The following RASSF9 variants were observed in gnomAD, a reference collection of about 807,000 sequenced individuals.
The protein encoded by RASSF9 is ras association domain-containing protein 9.
In RASSF9, 18 loss-of-function variants were observed where a neutral mutation model predicts 21.4. That is an observed-to-expected ratio of 0.84 (90% CI 0.58 to 1.25). The LOEUF (loss-of-function observed/expected upper bound fraction) is 1.25, where lower values mean the gene tolerates loss of function less well. RASSF9 is among the 50% of genes most tolerant of loss of function. The probability of loss-of-function intolerance (pLI) is 0.00; values close to 1 mark genes in which losing one functional copy is unlikely to be tolerated. For synonymous variants in RASSF9, 183 were observed against 179.1 expected (o/e 1.02, Z -0.18); for missense variants, 480 against 503.2 (o/e 0.95, Z 0.44).
intron 1 of RASSF9, among the ~76,000 whole-genome samples, chr12:85,810,130 G>A (rs1278707907): frequency 2.0e-5 from 3 of 151,832 alleles, no homozygotes; most frequent in Non-Finnish European, 4.4e-5. Flanking sequence ...ACTATTATAT[G>A]CTTCACCAAG....
At chr12:85,813,355 A>T (rs1163318672) in intron 1 of RASSF9, among the ~76,000 whole-genome samples, 1 of 151,966 alleles carries the variant, frequency 6.6e-6, no homozygotes, top group Non-Finnish European at 1.5e-5. Flanking sequence ...AATTAAAATG[A>T]GTTGGCTTGT....
chr12:85,819,909 G>C (rs1880169586), intron 1 of RASSF9, among the ~76,000 whole-genome samples: 1 of 152,124 alleles, frequency 6.6e-6, no homozygotes, highest in Non-Finnish European at 1.5e-5. Flanking sequence ...GCTAGTTTTG[G>C]AAATGGAAAA....
chr12:85,824,256 AT>A (rs1359212545), intron 1 of RASSF9, among the ~76,000 whole-genome samples: 2 of 152,210 alleles, frequency 1.3e-5, no homozygotes, highest in African/African-American at 4.8e-5. Flanking sequence ...ATTATAGTGA[AT>A]GCAAAAATAG....
chr12:85,816,159 T>C (rs987278496), intron 1 of RASSF9, among the ~76,000 whole-genome samples: 3 of 151,666 alleles, frequency 2.0e-5, no homozygotes, highest in African/African-American at 7.3e-5. Flanking sequence ...TTTCAGAGGG[T>C]AGAGAGTGGG....
chr12:85,805,159 G>A lies in RASSF9; in HGVS notation c.851C>T (p.Ser284Phe), dbSNP rs1419607001. The A allele has an allele frequency of 3.7e-6, 6 of 1,613,808 alleles. No individual in the cohort carries two copies. The highest frequency in any genetic ancestry group is 5.1e-6 in the Non-Finnish European group (6 of 1,179,870). Residue 284 changes from serine (S) to phenylalanine (F), a missense_variant, in exon 2 of 2, where the codon TCT becomes TTT. Ser to Phe is a radical substitution (Grantham distance 155, BLOSUM62 -2). Transcript: ENST00000361228. ...TTTTACCTCTTTTTCTATTTCAGCA[G>A]AGAGCTTATCAATGAGTATTCGGTA... is the stretch of plus-strand genomic sequence containing the variant. The part of the protein sequence containing the change: ...KYYRILIDKL[S>F]AEIEKEVKSV...
At chr12:85,815,719 G>A (rs1027456825) in intron 1 of RASSF9, among the ~76,000 whole-genome samples, 1 of 151,432 alleles carries the variant, frequency 6.6e-6, no homozygotes. Context: ...TTCATATGAC[G>A]CATTGGTCGC....
At chr12:85,809,557 AGTAGTCCCTATTTCCT>A (rs1879905739) in intron 1 of RASSF9, among the ~76,000 whole-genome samples, 1 of 152,106 alleles carries the variant, frequency 6.6e-6, no homozygotes, top group East Asian at 1.9e-4. Context: ...GTCTCCTCAG[AGTAGTCCCTATTTCCT>A]GTAGCAGACA....
chr12:85,828,427 A>G (rs750509894), intron 1 of RASSF9, among the ~76,000 whole-genome samples: 1 of 152,156 alleles, frequency 6.6e-6, no homozygotes, highest in Non-Finnish European at 1.5e-5. Context: ...TGATGTGATT[A>G]TTATGCATTG....
At chr12:85,808,330 T>C (rs536211977) in intron 1 of RASSF9, among the ~76,000 whole-genome samples, 1 of 152,232 alleles carries the variant, frequency 6.6e-6, no homozygotes, top group Admixed American at 6.5e-5. Flanking sequence ...AGTAAAATGT[T>C]ATAGTTTATT....
At chr12:85,832,463 C>T (rs1029908983) in intron 1 of RASSF9, among the ~76,000 whole-genome samples, 3 of 151,802 alleles carry the variant, frequency 2.0e-5, no homozygotes, top group Non-Finnish European at 3.0e-5. Context: ...TATTTAGACA[C>T]ATTAACATTA....
intron 1 of RASSF9, among the ~76,000 whole-genome samples, chr12:85,806,903 A>G (rs1879849037): frequency 6.6e-6 from 1 of 152,130 alleles, no homozygotes; most frequent in Non-Finnish European, 1.5e-5. Flanking sequence ...TTTCATTAAC[A>G]ATTGTTTATT....
chr12:85,804,647 A>G lies in RASSF9; in HGVS notation c.*55T>C. The G allele has an allele frequency of 1.4e-6, 2 of 1,438,674 alleles. No individual in the cohort carries two copies. Among genetic ancestry groups the G allele is most frequent in the East Asian group, 2.3e-5 (1 of 43,460 alleles). 89.1% of individuals were successfully genotyped at this position (1,438,674 alleles called of 1,614,324 possible). On this transcript the variant is annotated 3_prime_UTR_variant, in exon 2 of 2. Transcript: ENST00000361228. ...TGTTATATTTAAAATGAGGTTTCCT[A>G]TTAAATTAAACAAACATTAAAACAT... is the stretch of plus-strand genomic sequence containing the variant.
chr12:85,829,178 C>T (rs1880397724), intron 1 of RASSF9, among the ~76,000 whole-genome samples: 1 of 152,052 alleles, frequency 6.6e-6, no homozygotes, highest in Admixed American at 6.6e-5. Context: ...TGGTTGAGAA[C>T]AATAAACATG....
chr12:85,812,773 T>C lies in RASSF9; in HGVS notation c.48-6811A>G, dbSNP rs17013377. On this transcript the variant is annotated intron_variant, in intron 1 of 1. Transcript: ENST00000361228. ...TTATTTAATACAGAGAATGGTGTAGTGTTTTTAGTATTCTTATTCAGTAAT... is the reference window on the plus strand; with the variant it reads ...TTATTTAATACAGAGAATGGTGTAGCGTTTTTAGTATTCTTATTCAGTAAT... Among the ~76,000 whole-genome samples, 663 of 151,788 alleles carry C rather than the reference T, an allele frequency of 4.4e-3. 7 individuals are homozygous for C. The highest frequency in any genetic ancestry group is 0.015 in the African/African-American group (628 of 41,522).
At chr12:85,807,359 T>G (rs769107935) in intron 1 of RASSF9, among the ~76,000 whole-genome samples, 1 of 152,178 alleles carries the variant, frequency 6.6e-6, no homozygotes, top group African/African-American at 2.4e-5. Context: ...CATCCCCTAC[T>G]TTAGAGAAGG....
chr12:85,824,562 T>A (rs1206552935), intron 1 of RASSF9, among the ~76,000 whole-genome samples: 1 of 152,224 alleles, frequency 6.6e-6, no homozygotes, highest in Non-Finnish European at 1.5e-5. Context: ...TAAATTTTTT[T>A]ATTGAAATCT....
intron 1 of RASSF9, among the ~76,000 whole-genome samples, chr12:85,827,188 T>C (rs1880352563): frequency 6.6e-6 from 1 of 152,186 alleles, no homozygotes. Context: ...ATCACTAATT[T>C]TCCACACATT....
At chr12:85,816,200 T>C (rs1479552591) in intron 1 of RASSF9, among the ~76,000 whole-genome samples, 1 of 151,686 alleles carries the variant, frequency 6.6e-6, no homozygotes, top group African/African-American at 2.4e-5. Flanking sequence ...AAATAACTAA[T>C]GGGTACTAGG....
chr12:85,822,786 A>T (rs774983177), intron 1 of RASSF9, among the ~76,000 whole-genome samples: 27 of 152,080 alleles, frequency 1.8e-4, no homozygotes, highest in Non-Finnish European at 3.1e-4. Context: ...TTGTCACATT[A>T]AAAGAACCTT....
Sources: gnomAD v4.1 joint callset for allele counts (sites outside exome capture counted in the v4.1 genomes callset) on GRCh38, gnomAD v4.1.1 for gene constraint, MANE v1.5 for transcripts, NCBI Gene and HGNC (gene_info 2026-07-23, HGNC 2026-07-21) for gene names.